Variants in MTFR1 observed in about 807,000 individuals in gnomAD.
The protein encoded by MTFR1 is chondrocyte protein with a poly-proline region.
Under a neutral mutation model 38.8 loss-of-function variants are expected in MTFR1, and 28 were observed. That is an observed-to-expected ratio of 0.72 (90% confidence interval 0.53 to 0.99). MTFR1 has a LOEUF of 0.99. Ranked by LOEUF, MTFR1 falls within the 50% of genes least tolerant of loss-of-function variation. MTFR1 has a pLI of 0.00. For missense variants in MTFR1, 358 were observed against 395.5 expected (o/e 0.91, Z 0.81); for synonymous variants, 145 against 137.0 (o/e 1.06, Z -0.41).
At chr8:65,682,588 T>A in intron 3 of MTFR1, 137 bp downstream of exon 3, 1 of 610,034 alleles carries the variant, frequency 1.6e-6, no homozygotes, top group Non-Finnish European at 2.2e-6. Flanking sequence ...AGAAGAGGAT[T>A]AAAAACCACA....
intron 3 of MTFR1, among the ~76,000 whole-genome samples, chr8:65,759,294 TA>T (rs1203434197): frequency 6.6e-6 from 1 of 152,180 alleles, no homozygotes. Context: ...ACTATCTCCT[TA>T]AATCTCCTGA....
intron 1 of MTFR1, among the ~76,000 whole-genome samples, chr8:65,662,935 C>A (rs1804233231): frequency 6.6e-6 from 1 of 151,254 alleles, no homozygotes; most frequent in Admixed American, 6.6e-5. Context: ...CCTGGCCAGC[C>A]ACCCCGTCCG....
downstream of MTFR1, among the ~76,000 whole-genome samples, chr8:65,771,826 G>A (rs1274625935): frequency 1.5e-5 from 2 of 135,902 alleles, no homozygotes; most frequent in African/African-American, 5.7e-5. Flanking sequence ...AGTGAGCCAC[G>A]ATTGAGCCAC....
chr8:65,758,040 C>T (rs1808318914), intron 3 of MTFR1, among the ~76,000 whole-genome samples: 1 of 152,206 alleles, frequency 6.6e-6, no homozygotes, highest in South Asian at 2.1e-4. Context: ...TCAAATGTTT[C>T]CACATTTGGA....
At chr8:65,665,877 C>T (rs1364347426) in intron 1 of MTFR1, among the ~76,000 whole-genome samples, 2 of 151,764 alleles carry the variant, frequency 1.3e-5, no homozygotes, top group East Asian at 3.8e-4. Context: ...CATTAACCTA[C>T]TTTTTTAGGA....
intron 3 of MTFR1, chr8:65,723,311 G>A (rs1037522538): frequency 6.8e-6 from 2 of 292,298 alleles, no homozygotes; most frequent in Non-Finnish European, 1.2e-5. Flanking sequence ...CATAAGAACA[G>A]AAACAAGTTA....
intron 3 of MTFR1, among the ~76,000 whole-genome samples, chr8:65,726,075 G>C (rs1241758055): frequency 6.6e-6 from 1 of 152,170 alleles, no homozygotes; most frequent in Non-Finnish European, 1.5e-5. Context: ...TTATGAAAGG[G>C]AAACCAGAGA....
chr8:65,723,687 G>C, intron 3 of MTFR1: 1 of 1,127,382 alleles, frequency 8.9e-7, no homozygotes, highest in South Asian at 1.9e-5. Context: ...ATAATTAAAG[G>C]CTTGAACATA....
At chr8:65,650,464 G>A (rs1021776448) in intron 1 of MTFR1, among the ~76,000 whole-genome samples, 6 of 152,026 alleles carry the variant, frequency 3.9e-5, no homozygotes, top group African/African-American at 1.4e-4. Flanking sequence ...GAGCCACCGC[G>A]CCTAGCCAAC....
chr8:65,680,382 C>G lies in MTFR1; in HGVS notation c.67-1971C>G, dbSNP rs868312816. Among the ~76,000 whole-genome samples the G allele has an allele frequency of 4.6e-5, 7 of 152,078 alleles. No individual in the cohort carries two copies. The South Asian group carries it at 8.3e-4, about 18-fold the overall frequency. ...TCTCACAAAAAGACCCCAGGCTGGTCTCAAACTTCTGGCCACAAATGATCC... is the reference window on the plus strand; with the variant it reads ...TCTCACAAAAAGACCCCAGGCTGGTGTCAAACTTCTGGCCACAAATGATCC... On this transcript the variant is annotated intron_variant, in intron 2 of 7. Transcript: ENST00000262146.
chr8:65,751,885 T>C (rs1807985900), intron 3 of MTFR1, among the ~76,000 whole-genome samples: 1 of 152,250 alleles, frequency 6.6e-6, no homozygotes, highest in African/African-American at 2.4e-5. Context: ...CTGTTCTGCA[T>C]CTTGCTTTTT....
At chr8:65,712,455 C>T (rs1805975079), downstream of MTFR1, among the ~76,000 whole-genome samples, 1 of 152,054 alleles carries the variant, frequency 6.6e-6, no homozygotes, top group Non-Finnish European at 1.5e-5. Context: ...TGAATCAGTG[C>T]CAGGAGCTCA....
At chr8:65,703,090 G>GAA (rs869185555) in intron 4 of MTFR1, among the ~76,000 whole-genome samples, 3 of 135,002 alleles carry the variant, frequency 2.2e-5, no homozygotes, top group South Asian at 2.3e-4. Flanking sequence ...TAAGGTAATG[G>GAA]AAAAAAAAAA....
In MTFR1 at chr8:65,707,871, G is replaced by A. The variant is rs765007648; in HGVS notation, c.793G>A (p.Val265Met). Residue 265 changes from valine to methionine, a missense_variant, in exon 7 of 8, where the codon GTG becomes ATG. Val to Met is a conservative substitution (Grantham distance 21, BLOSUM62 1). Transcript: ENST00000262146. ...RSEQDVKPKPVDATDPAALIA... is the reference protein window; with the variant it reads ...RSEQDVKPKPMDATDPAALIA... The stretch of plus-strand genomic sequence containing the variant: ...AGAGCAAGATGTGAAGCCCAAGCCA[G>A]TGGATGCTACTGACCCTGCTGCCCT... 1 of 1,614,176 alleles carries A rather than the reference G, an allele frequency of 6.2e-7. No individual in the cohort carries two copies. The highest frequency in any genetic ancestry group is 1.7e-5 in the Admixed American group (1 of 60,022).
chr8:65,702,601 G>GT (rs1235981529), intron 4 of MTFR1, among the ~76,000 whole-genome samples: 4 of 151,770 alleles, frequency 2.6e-5, no homozygotes, highest in East Asian at 1.9e-4. Flanking sequence ...TAAATTACCA[G>GT]TTTTTTTTCC....
Position 65,723,714 on chromosome 8 carries a change from G to A in MTFR1, c.*48+4233G>A, listed in dbSNP as rs1380909101. The A allele has an allele frequency of 6.9e-6, 6 of 867,152 alleles. No homozygotes were observed. In the Admixed American group the frequency reaches 1.1e-4, roughly 16 times the overall value. The allele number at this position is 867,152 out of a possible 1,614,324, so 53.7% of individuals were successfully genotyped here. On this transcript the variant is annotated intron_variant, in intron 3 of 3. Coordinates refer to the MTFR1 transcript ENST00000521247. ...TTGAACATACCTGTGCATTTCTTAGGAAAAACATACTTAATCCTCATGAGA... is the reference window on the plus strand; with the variant it reads ...TTGAACATACCTGTGCATTTCTTAGAAAAAACATACTTAATCCTCATGAGA...
intron 3 of MTFR1, chr8:65,739,526 T>C (rs1563479920): frequency 6.4e-7 from 1 of 1,569,300 alleles, no homozygotes; most frequent in Non-Finnish European, 8.6e-7. Flanking sequence ...AGTTTCATCA[T>C]ATCTAAATGG....
At chr8:65,672,713 A>G (rs1359534594) in intron 2 of MTFR1, among the ~76,000 whole-genome samples, 1 of 152,182 alleles carries the variant, frequency 6.6e-6, no homozygotes, top group East Asian at 1.9e-4. Context: ...GGGTTTCACC[A>G]TGTTAGCACT....
At chr8:65,730,677 CA>C (rs1330006076) in intron 3 of MTFR1, among the ~76,000 whole-genome samples, 5 of 152,042 alleles carry the variant, frequency 3.3e-5, no homozygotes, top group Non-Finnish European at 1.5e-5. Context: ...CCTGTAATTC[CA>C]GCACTTTGCA....
Sources: gnomAD v4.1 joint callset for allele counts (sites outside exome capture counted in the v4.1 genomes callset) on GRCh38, gnomAD v4.1.1 for gene constraint, MANE v1.5 for transcripts, NCBI Gene and HGNC (gene_info 2026-07-23, HGNC 2026-07-21) for gene names.